Variants in CDH18 observed in about 807,000 individuals in gnomAD.
CDH18 encodes cadherin-18.
In CDH18, 31 loss-of-function variants were observed where a neutral mutation model predicts 67.9. That is an observed-to-expected ratio of 0.46 (90% confidence interval 0.34 to 0.62). The LOEUF is 0.62. Ranked by LOEUF, CDH18 falls within the 20% of genes least tolerant of loss-of-function variation. CDH18 has a pLI of 0.01. For synonymous variants in CDH18, 362 were observed against 347.2 expected (o/e 1.04, Z -0.48); for missense variants, 890 against 975.5 (o/e 0.91, Z 1.17).
chr5:20,129,928 A>G (rs1357139307), intron 2 of CDH18, among the ~76,000 whole-genome samples: 1 of 151,880 alleles, frequency 6.6e-6, no homozygotes, highest in African/African-American at 2.4e-5. Context: ...CATAACAAAT[A>G]TGATTGTTTT....
Position 19,681,875 on chromosome 5 carries a change from CAT to C in CDH18, c.643+39470_643+39471del, listed in dbSNP as rs575361174. On this transcript the variant is annotated intron_variant, in intron 5 of 12. Coordinates refer to ENST00000382275, the MANE Select transcript of CDH18 (RefSeq NM_004934.5). ...ATGATCATGTAGTCTATTATATAAA[CAT>C]GTGATAAATTATTTTGCTACTTCCC... 3.3e-3 allele frequency among the ~76,000 whole-genome samples: 496 copies of C among 152,048 alleles called. 2 individuals carry two copies. The highest frequency in any genetic ancestry group is 3.7e-3 in the Admixed American group (56 of 15,218).
intron 1 of CDH18, among the ~76,000 whole-genome samples, chr5:20,513,763 A>G (rs1235046989): frequency 7.7e-6 from 1 of 129,190 alleles, no homozygotes; most frequent in African/African-American, 2.8e-5. Context: ...TCCCCTTTAT[A>G]TATTTATTTT....
chr5:19,583,470 T>C (rs1180400589), intron 7 of CDH18, among the ~76,000 whole-genome samples: 1 of 152,146 alleles, frequency 6.6e-6, no homozygotes, highest in East Asian at 1.9e-4. Flanking sequence ...ATGAAGACAG[T>C]ATATACATTG....
chr5:19,617,128 C>A (rs1561477750), intron 5 of CDH18, among the ~76,000 whole-genome samples: 1 of 152,106 alleles, frequency 6.6e-6, no homozygotes, highest in Non-Finnish European at 1.5e-5. Context: ...GAATAGGCAA[C>A]AATTAAAAAG....
chr5:19,558,184 CA>C (rs1397109755), intron 8 of CDH18, among the ~76,000 whole-genome samples: 2 of 151,856 alleles, frequency 1.3e-5, no homozygotes, highest in Non-Finnish European at 2.9e-5. Context: ...ATGCCTACAT[CA>C]AAAAGTCTGA....
chr5:20,026,272 AAATTT>A (rs1169167488), intron 2 of CDH18, among the ~76,000 whole-genome samples: 10 of 152,200 alleles, frequency 6.6e-5, no homozygotes, highest in Non-Finnish European at 8.8e-5. Context: ...GCCAAATCAT[AAATTT>A]GCTAATAAGA....
chr5:19,936,210 T>C (rs1794241839), intron 2 of CDH18, among the ~76,000 whole-genome samples: 2 of 151,362 alleles, frequency 1.3e-5, no homozygotes, highest in African/African-American at 4.8e-5. Flanking sequence ...TGTTGCCTTG[T>C]TACTTTTTAA....
chr5:19,506,135 T>C (rs1478817223), intron 10 of CDH18, among the ~76,000 whole-genome samples: 1 of 151,954 alleles, frequency 6.6e-6, no homozygotes, highest in East Asian at 1.9e-4. Context: ...GAGAGCCAAA[T>C]CATGAGTGAA....
At chr5:19,651,171 G>A (rs1157870196) in intron 5 of CDH18, among the ~76,000 whole-genome samples, 1 of 151,976 alleles carries the variant, frequency 6.6e-6, no homozygotes, top group African/African-American at 2.4e-5. Flanking sequence ...GGACTCATAG[G>A]TTCAAGTTTT....
At chr5:19,635,454 T>C (rs1317031502) in intron 5 of CDH18, among the ~76,000 whole-genome samples, 1 of 152,176 alleles carries the variant, frequency 6.6e-6, no homozygotes, top group Non-Finnish European at 1.5e-5. Flanking sequence ...TGTTACCATT[T>C]TTACCAGAAC....
intron 11 of CDH18, among the ~76,000 whole-genome samples, chr5:19,498,731 T>C (rs916792047): frequency 2.0e-5 from 3 of 152,204 alleles, no homozygotes; most frequent in Non-Finnish European, 4.4e-5. Context: ...ATGTTGACTT[T>C]ATATGGAACT....
chr5:20,563,004 T>C (rs1581205369), intron 1 of CDH18, among the ~76,000 whole-genome samples: 3 of 151,576 alleles, frequency 2.0e-5, no homozygotes. Flanking sequence ...TTTTTTTTTT[T>C]AGCATGGTGA....
chr5:19,474,935 C>T (rs1005135164), intron 12 of CDH18, among the ~76,000 whole-genome samples: 3 of 151,954 alleles, frequency 2.0e-5, no homozygotes, highest in African/African-American at 7.2e-5. Flanking sequence ...AGAAATAGTT[C>T]CCTCACATCA....
intron 3 of CDH18, among the ~76,000 whole-genome samples, chr5:19,766,031 C>G (rs927452836): frequency 6.6e-6 from 1 of 152,112 alleles, no homozygotes; most frequent in Non-Finnish European, 1.5e-5. Flanking sequence ...AGGTGCCCAC[C>G]ACCACACCCG....
intron 2 of CDH18, among the ~76,000 whole-genome samples, chr5:20,176,779 T>C (rs1737268909): frequency 6.6e-6 from 1 of 152,172 alleles, no homozygotes; most frequent in South Asian, 2.1e-4. Flanking sequence ...GTGATTTAAA[T>C]GGTGACTTGG....
At position 20,302,607 on chromosome 5, in the gene CDH18, G is replaced by A. The variant is rs140598785; in HGVS notation, c.-579-47102C>T. Reference sequence around the variant, plus strand: ...CCAATCACACCTCAGGTACTTAGGAGTTCATCATATTTGATCATAAAATTG... The same window carrying A: ...CCAATCACACCTCAGGTACTTAGGAATTCATCATATTTGATCATAAAATTG... On this transcript the variant is annotated intron_variant, in intron 1 of 14. Transcript: ENST00000507958. Among the ~76,000 whole-genome samples, 491 of 152,272 alleles carry A rather than the reference G, an allele frequency of 3.2e-3. 1 individual carries two copies. Among genetic ancestry groups the A allele is most frequent in the African/African-American group, 0.011 (465 of 41,554 alleles).
At chr5:20,524,246 G>T (rs1370535535) in intron 1 of CDH18, among the ~76,000 whole-genome samples, 1 of 152,080 alleles carries the variant, frequency 6.6e-6, no homozygotes, top group Non-Finnish European at 1.5e-5. Context: ...TTTTCTCAGT[G>T]TGAATTTAGA....
intron 1 of CDH18, among the ~76,000 whole-genome samples, chr5:20,411,821 A>T (rs1034567059): frequency 6.6e-6 from 1 of 152,068 alleles, no homozygotes. Context: ...GAATACATCT[A>T]ACCAAGGAAG....
intron 9 of CDH18, among the ~76,000 whole-genome samples, chr5:19,524,417 A>G (rs1196226003): frequency 1.3e-5 from 2 of 151,342 alleles, no homozygotes; most frequent in Non-Finnish European, 2.9e-5. Context: ...AGAAACTAAC[A>G]TTAAATATCA....
Sources: gnomAD v4.1 joint callset for allele counts (sites outside exome capture counted in the v4.1 genomes callset) on GRCh38, gnomAD v4.1.1 for gene constraint, MANE v1.5 for transcripts, NCBI Gene and HGNC (gene_info 2026-07-23, HGNC 2026-07-21) for gene names.